Variants in COL4A4 observed in about 807,000 individuals in gnomAD.
COL4A4 encodes the protein collagen alpha-4(IV) chain.
Under a neutral mutation model 192.9 loss-of-function variants are expected in COL4A4, and 105 were observed. The observed-to-expected ratio is 0.54, with a 90% CI of 0.46 to 0.64. COL4A4 has a LOEUF of 0.64. COL4A4 is among the 30% of genes least tolerant of loss of function. The pLI is 0.00. For missense variants in COL4A4, 1,967 were observed against 2,169.3 expected, an observed-to-expected ratio of 0.91 and a Z score of 1.85; for synonymous variants, 762 against 769.9, an observed-to-expected ratio of 0.99 and a Z score of 0.17.
At chr2:226,988,247 G>C in the COL4A4 span, 2 of 1,257,988 alleles carry the variant, frequency 1.6e-6, no homozygotes, top group East Asian at 5.2e-5. Context: ...TTGGGAGTAG[G>C]ACTCATATCA....
chr2:227,008,836 G>A (rs1962815408), intron 46 of COL4A4, among the ~76,000 whole-genome samples: 2 of 152,212 alleles, frequency 1.3e-5, no homozygotes, highest in Admixed American at 6.5e-5. Context: ...CAGGGACTAT[G>A]AGGAGAGGGT....
intron 11 of COL4A4, 97 bp downstream of exon 11, chr2:227,108,736 G>T: frequency 1.3e-6 from 2 of 1,524,712 alleles, no homozygotes; most frequent in Non-Finnish European, 1.8e-6. Flanking sequence ...ACTTTGGGAA[G>T]TCTGATAAGA....
the COL4A4 span, among the ~76,000 whole-genome samples, chr2:226,987,197 G>T: frequency 6.6e-6 from 1 of 152,148 alleles, no homozygotes; most frequent in African/African-American, 2.4e-5. Context: ...GCAAGGGGAG[G>T]CATAGCATTA....
chr2:227,056,280 T>C (rs894010092), intron 29 of COL4A4, among the ~76,000 whole-genome samples, 165 bp from the exon 30 acceptor site: 1 of 152,230 alleles, frequency 6.6e-6, no homozygotes, highest in Admixed American at 6.5e-5. Context: ...AATATATTTT[T>C]CTAGATGCCA....
rs1410345234 is a variant in COL4A4, at chr2:227,080,435, C to G, written c.1803+8G>C. On this transcript the variant is annotated splice_region_variant and intron_variant, in intron 24 of 47. Transcript: ENST00000396625. ...GAAATTCTATAGCAAGAGAAGAATT[C>G]TACATACTGGAGGTCCTGGATCCCC... 9 of 1,608,856 alleles carry G rather than the reference C, an allele frequency of 5.6e-6. 1 individual carries two copies. In the South Asian group the frequency reaches 9.9e-5, roughly 18 times the overall value.
In COL4A4 at chr2:227,082,114, C is replaced by T. The variant is rs954701825; in HGVS notation, c.1696+1G>A. On this transcript the variant is annotated splice_donor_variant, in intron 23 of 47. Coordinates refer to ENST00000396625, the MANE Select transcript of COL4A4 (RefSeq NM_000092.5). LOFTEE classifies it high-confidence loss of function. ...GGAGTTAAGTGATTGATTATGCTCA[C>T]CTTTAACTCTTGATACAACCATGTC... 2 of 1,613,962 alleles carry T rather than the reference C, an allele frequency of 1.2e-6. No homozygotes were observed. Among genetic ancestry groups the T allele is most frequent in the African/African-American group, 1.3e-5 (1 of 75,030 alleles).
intron 20 of COL4A4, among the ~76,000 whole-genome samples, chr2:227,092,791 T>C (rs2060008600): frequency 6.6e-6 from 1 of 152,154 alleles, no homozygotes; most frequent in African/African-American, 2.4e-5. Flanking sequence ...ATAATTGTAT[T>C]GTAGTTTGTG....
intron 25 of COL4A4, among the ~76,000 whole-genome samples, chr2:227,075,926 C>T (rs2058999647): frequency 6.6e-6 from 1 of 152,010 alleles, no homozygotes; most frequent in Non-Finnish European, 1.5e-5. Context: ...ATACAACTTA[C>T]AAGGAATATG....
chr2:227,041,746 G>A (rs1290688900), intron 37 of COL4A4, among the ~76,000 whole-genome samples: 2 of 102,868 alleles, frequency 1.9e-5, no homozygotes, highest in South Asian at 7.5e-4. Flanking sequence ...AAGGAAGGAA[G>A]GAAGGAAGGA....
At chr2:227,036,811 C>T (rs771011682) in intron 37 of COL4A4, among the ~76,000 whole-genome samples, 15 of 151,906 alleles carry the variant, frequency 9.9e-5, no homozygotes, top group Non-Finnish European at 1.3e-4. Flanking sequence ...GTAAAAAAAG[C>T]GGGGGGAGAA....
At chr2:227,156,216 T>C (rs2064330702) in intron 1 of COL4A4, among the ~76,000 whole-genome samples, 1 of 151,892 alleles carries the variant, frequency 6.6e-6, no homozygotes. Flanking sequence ...CTGGGCAACA[T>C]GATGAAACCA....
chr2:227,163,244 A>G (rs1300252888), intron 1 of COL4A4, among the ~76,000 whole-genome samples: 1 of 152,214 alleles, frequency 6.6e-6, no homozygotes, highest in Non-Finnish European at 1.5e-5. Flanking sequence ...GCACAGTAGT[A>G]TTGGCAGTTC....
intron 41 of COL4A4, among the ~76,000 whole-genome samples, chr2:227,029,759 G>T (rs1216596182): frequency 6.6e-6 from 1 of 152,114 alleles, no homozygotes; most frequent in Non-Finnish European, 1.5e-5. Context: ...CCAAATATTA[G>T]CAGTTGGATA....
intron 28 of COL4A4, 23 bp downstream of exon 28, chr2:227,059,382 A>G: frequency 6.2e-7 from 1 of 1,604,660 alleles, no homozygotes; most frequent in Non-Finnish European, 8.5e-7. Context: ...CTATGCACCA[A>G]AAGGACAGCA....
At chr2:227,130,590 T>C (rs150737880) in intron 4 of COL4A4, among the ~76,000 whole-genome samples, 3,501 of 152,308 alleles carry the variant, frequency 0.023, 55 homozygotes, top group Non-Finnish European at 0.037. Context: ...TCTTCAGGGC[T>C]GCCCTGGCTT....
At chr2:227,073,505 A>C (rs935159126) in intron 25 of COL4A4, among the ~76,000 whole-genome samples, 10 of 152,114 alleles carry the variant, frequency 6.6e-5, no homozygotes, top group African/African-American at 2.4e-4. Flanking sequence ...ATTCCCATCA[A>C]AATATGCACA....
intron 25 of COL4A4, among the ~76,000 whole-genome samples, chr2:227,067,385 A>G (rs1173909077): frequency 6.6e-6 from 1 of 152,002 alleles, no homozygotes; most frequent in Non-Finnish European, 1.5e-5. Context: ...CATCTACAGA[A>G]CTCTCCACCC....
intron 43 of COL4A4, among the ~76,000 whole-genome samples, chr2:227,023,086 G>T (rs1966332224): frequency 6.6e-6 from 1 of 152,102 alleles, no homozygotes; most frequent in African/African-American, 2.4e-5. Flanking sequence ...TGAAGAGGGG[G>T]CCATGTACAT....
At chr2:227,132,632 C>A (rs765817176) in intron 4 of COL4A4, among the ~76,000 whole-genome samples, 1 of 151,934 alleles carries the variant, frequency 6.6e-6, no homozygotes, top group African/African-American at 2.4e-5. Context: ...AAAAATTAGC[C>A]GGGCATGGTG....
Sources: allele counts gnomAD v4.1 joint callset (sites outside exome capture counted in the v4.1 genomes callset), GRCh38; gene constraint gnomAD v4.1.1; transcripts MANE v1.5; gene names NCBI Gene and HGNC (gene_info 2026-07-23, HGNC 2026-07-21).